Variants in RFWD3 observed in about 807,000 individuals in gnomAD.
RFWD3 encodes E3 ubiquitin-protein ligase RFWD3.
RFWD3 carries 65 observed loss-of-function variants against 87.7 expected under a neutral mutation model. The ratio of observed to expected loss-of-function variants is 0.74; its 90% CI spans 0.61 to 0.91. RFWD3 has a LOEUF of 0.91. RFWD3 is among the 40% of genes least tolerant of loss of function. RFWD3 has a pLI of 0.00. For missense variants in RFWD3, 1,078 were observed against 938.5 expected, an observed-to-expected ratio of 1.15 and a Z score of -1.94; for synonymous variants, 433 against 352.8, an observed-to-expected ratio of 1.23 and a Z score of -2.55.
intron 1 of RFWD3, among the ~76,000 whole-genome samples, chr16:74,662,682 T>C (rs1224493376): frequency 6.6e-6 from 1 of 152,196 alleles, no homozygotes; most frequent in African/African-American, 2.4e-5. Flanking sequence ...AGCATGGGTT[T>C]CACTGATGAA....
chr16:74,655,721 C>T (rs528149183), intron 2 of RFWD3, among the ~76,000 whole-genome samples: 379 of 151,682 alleles, frequency 2.5e-3, no homozygotes, highest in Non-Finnish European at 4.8e-3. Context: ...GACGGGGTTT[C>T]ACCGTGTTAG....
At chr16:74,632,717 C>T (rs1959140284) in intron 8 of RFWD3, 44 bp from the exon 9 acceptor site, 1 of 1,588,718 alleles carries the variant, frequency 6.3e-7, no homozygotes, top group South Asian at 1.1e-5. Flanking sequence ...TGAAAGTGAA[C>T]CTAGGGCAAT....
At chr16:74,626,051 TGGTG>T in intron 12 of RFWD3, among the ~76,000 whole-genome samples, 1 of 152,092 alleles carries the variant, frequency 6.6e-6, no homozygotes, top group Non-Finnish European at 1.5e-5. Flanking sequence ...TCGGGCATGG[TGGTG>T]GGGTGCCTGT....
chr16:74,659,138 C>T (rs1961231154), intron 2 of RFWD3, among the ~76,000 whole-genome samples: 1 of 152,128 alleles, frequency 6.6e-6, no homozygotes, highest in African/African-American at 2.4e-5. Context: ...AAGTTGGCAT[C>T]TGGTTTATAA....
chr16:74,627,491 T>G (rs1429322856), intron 11 of RFWD3, among the ~76,000 whole-genome samples: 1 of 151,836 alleles, frequency 6.6e-6, no homozygotes, highest in Non-Finnish European at 1.5e-5. Context: ...TGCCCTCTTC[T>G]CTGTGGGATC....
chr16:74,637,781 A>G, intron 7 of RFWD3, 75 bp downstream of exon 7: 1 of 1,063,300 alleles, frequency 9.4e-7, no homozygotes, highest in South Asian at 1.4e-5. Flanking sequence ...TGTTTCTGAG[A>G]TGAACATAAC....
At chr16:74,628,689 G>GT (rs752731902) in intron 10 of RFWD3, 23 bp from the exon 11 acceptor site, 29 of 1,610,146 alleles carry the variant, frequency 1.8e-5, no homozygotes, top group Non-Finnish European at 2.2e-5. Context: ...TAAGGAAACT[G>GT]TATCTCACAC....
Position 74,630,883 on chromosome 16 carries a change from T to C in RFWD3, c.1652A>G (p.Glu551Gly). 6.2e-7 allele frequency: 1 copy of C among 1,614,040 alleles called. No homozygotes were observed. The change falls in exon 10 of 13, where the codon GAG becomes GGG. Residue 551 changes from glutamate (E) to glycine (G), a missense_variant. Physicochemically the swap from Glu to Gly is moderately conservative, Grantham distance 98. Transcript: ENST00000361070. ...CAGTCCAGCATAGATGTAGTTAGCC[T>C]CATCAAGACACCAGCAACAGCTCCA... ...PVWSCCWCLD[E>G]ANYIYAGLAN...
At chr16:74,640,486 A>G (rs1959539212) in intron 6 of RFWD3, among the ~76,000 whole-genome samples, 1 of 152,128 alleles carries the variant, frequency 6.6e-6, no homozygotes. Flanking sequence ...AAATTTGTAC[A>G]GAAAAATATA....
chr16:74,652,174 A>G, intron 2 of RFWD3, 52 bp from the exon 3 acceptor site: 3 of 1,503,446 alleles, frequency 2.0e-6, no homozygotes, highest in Non-Finnish European at 2.8e-6. Flanking sequence ...TATCATCACA[A>G]AAACAATCTA....
intron 1 of RFWD3, among the ~76,000 whole-genome samples, chr16:74,664,990 G>A (rs774419356): frequency 1.3e-5 from 2 of 152,204 alleles, no homozygotes; most frequent in African/African-American, 2.4e-5. Context: ...AAACCTTGAG[G>A]ATGTCACACA....
Position 74,661,342 on chromosome 16 carries a change from G to C in RFWD3, c.108C>G (p.Leu36=), listed in dbSNP as rs1234233303. The change falls in exon 2 of 13, where the codon CTC becomes CTG. Residue 36 remains leucine, a synonymous_variant. Coordinates refer to ENST00000361070, the MANE Select transcript of RFWD3 (RefSeq NM_018124.4). ...MASSQGGPAL[L]QPVPADVVSS... ...TGACCACATCAGCAGGAACAGGCTG[G>C]AGGAGGGCTGGTCCCCCTTGGCTGC... is the stretch of plus-strand genomic sequence containing the variant. 4 of 1,613,934 alleles carry C rather than the reference G, an allele frequency of 2.5e-6. No individual in the cohort carries two copies. Among genetic ancestry groups the C allele is most frequent in the Non-Finnish European group, 3.4e-6 (4 of 1,180,028 alleles).
intron 8 of RFWD3, among the ~76,000 whole-genome samples, 187 bp downstream of exon 8, chr16:74,636,159 A>C (rs1205653648): frequency 6.6e-6 from 1 of 152,232 alleles, no homozygotes; most frequent in African/African-American, 2.4e-5. Flanking sequence ...TTGGTTAATA[A>C]ATTTACAGAA....
chr16:74,660,372 G>A (rs181137589), intron 2 of RFWD3, among the ~76,000 whole-genome samples: 4 of 152,292 alleles, frequency 2.6e-5, no homozygotes, highest in Non-Finnish European at 4.4e-5. Context: ...AGAATCGCTT[G>A]AATCTGGGAG....
chr16:74,644,832 T>A (rs1959993645), intron 4 of RFWD3, 97 bp from the exon 5 acceptor site: 9 of 1,105,122 alleles, frequency 8.1e-6, no homozygotes, highest in East Asian at 5.0e-5. Context: ...GCAAAAAAAA[T>A]GATACAATCA....
At chr16:74,638,443 AT>A (rs1959336304) in intron 6 of RFWD3, among the ~76,000 whole-genome samples, 1 of 152,262 alleles carries the variant, frequency 6.6e-6, no homozygotes, top group Middle Eastern at 3.2e-3. Flanking sequence ...AAAAGCATAA[AT>A]AGGCATAACG....
At chr16:74,641,028 G>A (rs144193063) in intron 6 of RFWD3, among the ~76,000 whole-genome samples, 1 of 152,018 alleles carries the variant, frequency 6.6e-6, no homozygotes, top group African/African-American at 2.4e-5. Flanking sequence ...AAAGTAATTT[G>A]ACAATATTTA....
rs1481440731 is a variant in RFWD3 at position 74,644,395 on chromosome 16, G to A, written c.1046C>T (p.Ala349Val). Residue 349 changes from alanine (A) to valine (V), a missense_variant, in exon 6 of 13, where the codon GCT becomes GTT. Physicochemically the swap from Ala to Val is moderately conservative, Grantham distance 64 (BLOSUM62 0). Coordinates refer to ENST00000361070, the MANE Select transcript of RFWD3 (RefSeq NM_018124.4). ...IVVLYARTLRALDTSEQERMK... is the reference protein window; with the variant it reads ...IVVLYARTLRVLDTSEQERMK... Reference sequence around the variant, plus strand: ...GCGCTCCTGTTCACTAGTGTCCAAAGCTCTCAGGGTTCGGGCATAAAGGAC... The same window carrying A: ...GCGCTCCTGTTCACTAGTGTCCAAAACTCTCAGGGTTCGGGCATAAAGGAC... 1 of 1,614,166 alleles carries A rather than the reference G, an allele frequency of 6.2e-7. No homozygotes were observed. The highest frequency in any genetic ancestry group is 2.2e-5 in the East Asian group (1 of 44,888).
chr16:74,635,241 C>T (rs1367357856), intron 8 of RFWD3, among the ~76,000 whole-genome samples: 2 of 151,802 alleles, frequency 1.3e-5, no homozygotes, highest in South Asian at 4.2e-4. Flanking sequence ...AGAGACAGCG[C>T]CACTGCAGTC....
Sources: allele counts gnomAD v4.1 joint callset (sites outside exome capture counted in the v4.1 genomes callset), GRCh38; gene constraint gnomAD v4.1.1; transcripts MANE v1.5; gene names NCBI Gene and HGNC (gene_info 2026-07-23, HGNC 2026-07-21).